Variants in TYW1B observed in about 807,000 individuals in gnomAD.
The protein encoded by TYW1B is S-adenosyl-L-methionine-dependent tRNA 4-demethylwyosine synthase TYW1B.
Under a neutral mutation model 86.9 loss-of-function variants are expected in TYW1B, and 73 were observed. The ratio of observed to expected loss-of-function variants is 0.84; its 90% CI spans 0.70 to 1.02. The LOEUF is 1.02. TYW1B is among the 50% of genes least tolerant of loss of function. TYW1B has a pLI of 0.00. For synonymous variants in TYW1B, 248 were observed against 292.8 expected (o/e 0.85, Z 1.56); for missense variants, 637 against 827.4 (o/e 0.77, Z 2.82).
At chr7:72,774,151 G>C (rs1787913205) in intron 7 of TYW1B, among the ~76,000 whole-genome samples, 1 of 151,858 alleles carries the variant, frequency 6.6e-6, no homozygotes, top group African/African-American at 2.4e-5. Context: ...GGAAGGACTG[G>C]GGGTAATGCC....
chr7:72,618,000 G>C (rs1812118537), intron 12 of TYW1B, among the ~76,000 whole-genome samples: 1 of 151,918 alleles, frequency 6.6e-6, no homozygotes, highest in South Asian at 2.1e-4. Flanking sequence ...TCTTACCTCT[G>C]TGGGCTCTTC....
intron 11 of TYW1B, among the ~76,000 whole-genome samples, chr7:72,690,006 A>T (rs1814103515): frequency 1.3e-5 from 2 of 152,262 alleles, no homozygotes; most frequent in Non-Finnish European, 2.9e-5. Context: ...AACAACCATT[A>T]TTCAAATAAT....
At chr7:72,607,760 G>A (rs1346751777) in intron 13 of TYW1B, among the ~76,000 whole-genome samples, 1 of 152,004 alleles carries the variant, frequency 6.6e-6, no homozygotes, top group East Asian at 1.9e-4. Flanking sequence ...AAAAAGAGAA[G>A]AGAAATAAGA....
chr7:72,731,287 A>T (rs1331781111), intron 8 of TYW1B, among the ~76,000 whole-genome samples: 3 of 151,452 alleles, frequency 2.0e-5, no homozygotes, highest in African/African-American at 7.3e-5. Flanking sequence ...AGTGATTATT[A>T]CCATCATGAA....
At chr7:72,673,800 TACC>T (rs1563054766) in intron 11 of TYW1B, among the ~76,000 whole-genome samples, 1 of 152,164 alleles carries the variant, frequency 6.6e-6, no homozygotes, top group African/African-American at 2.4e-5. Flanking sequence ...AGAGGATAGA[TACC>T]ACATTTTCTA....
intron 9 of TYW1B, among the ~76,000 whole-genome samples, chr7:72,723,683 A>G (rs1301657471): frequency 2.6e-5 from 4 of 152,174 alleles, no homozygotes; most frequent in Admixed American, 6.5e-5. Flanking sequence ...CTGAGACAGG[A>G]GGACTGCTTG....
intron 13 of TYW1B, among the ~76,000 whole-genome samples, chr7:72,592,075 G>A (rs1247882335): frequency 5.4e-5 from 8 of 149,308 alleles, no homozygotes; most frequent in South Asian, 2.1e-4. Flanking sequence ...TGCCCACCTC[G>A]GCCTCCCAAA....
intron 13 of TYW1B, among the ~76,000 whole-genome samples, chr7:72,578,385 G>A (rs1554429152): frequency 6.6e-6 from 1 of 152,144 alleles, no homozygotes. Context: ...AAAGTGCTGG[G>A]ATAACAGGCA....
intron 9 of TYW1B, among the ~76,000 whole-genome samples, chr7:72,715,991 C>T (rs1475036905): frequency 6.6e-6 from 1 of 152,192 alleles, no homozygotes; most frequent in Non-Finnish European, 1.5e-5. Flanking sequence ...ATTGCAGTGG[C>T]ACAATCTCAG....
At chr7:72,602,833 AACACACACACACACACACAC>A (rs55709140) in intron 13 of TYW1B, among the ~76,000 whole-genome samples, 30 of 128,114 alleles carry the variant, frequency 2.3e-4, no homozygotes, top group East Asian at 7.9e-4. Context: ...AAGTGCTCAA[AACACACACACACACACACAC>A]ACACACACAC....
At chr7:72,632,375 AT>A (rs1213524395) in intron 11 of TYW1B, among the ~76,000 whole-genome samples, 1 of 118,070 alleles carries the variant, frequency 8.5e-6, no homozygotes, top group African/African-American at 3.8e-5. Flanking sequence ...ACGCATATAT[AT>A]TATATATATA....
chr7:72,773,060 C>T lies in TYW1B; in HGVS notation c.964+4356G>A, dbSNP rs192554075. 3.5e-3 allele frequency among the ~76,000 whole-genome samples: 538 copies of T among 152,240 alleles called. 4 individuals are homozygous for T. The highest frequency in any genetic ancestry group is 6.4e-3 in the Non-Finnish European group (437 of 67,996). On this transcript the variant is annotated intron_variant, in intron 7 of 13. Coordinates refer to ENST00000620995, the MANE Select transcript of TYW1B (RefSeq NM_001145440.3). ...AAGATCCCCAGAAGAAATTCTAGTT[C>T]CTCTCGTGGAATTCCATATTATACT...
chr7:72,679,849 G>A (rs1289557789), intron 11 of TYW1B, among the ~76,000 whole-genome samples: 4 of 152,174 alleles, frequency 2.6e-5, no homozygotes, highest in African/African-American at 7.2e-5. Context: ...GGAATGATAG[G>A]CCAGGAGCAG....
At chr7:72,786,330 T>C (rs782307642) in intron 6 of TYW1B, among the ~76,000 whole-genome samples, 16 of 152,160 alleles carry the variant, frequency 1.1e-4, no homozygotes, top group Non-Finnish European at 1.9e-4. Context: ...CCCAAAGATC[T>C]GATGATTTTA....
Position 72,827,088 on chromosome 7 carries a change from C to A in TYW1B, c.5-103G>T, listed in dbSNP as rs573577388. 1,261 of 1,402,014 alleles carry A rather than the reference C, an allele frequency of 9.0e-4. 1 individual carries two copies. Among genetic ancestry groups the A allele is most frequent in the Non-Finnish European group, 1.0e-3 (1,075 of 1,037,714 alleles). 86.8% of individuals were successfully genotyped at this position (1,402,014 alleles called of 1,614,324 possible). A position where few individuals can be genotyped will look rare whatever the true frequency, so the allele number is the denominator to read the frequency against. ...AAAATAAAACCAACCTTACATTCAA[C>A]AACCCAGCTAAGAAATCTAATTTAA... On this transcript the variant is annotated intron_variant, in intron 1 of 13. Coordinates refer to ENST00000620995, the MANE Select transcript of TYW1B (RefSeq NM_001145440.3).
chr7:72,730,929 C>A (rs1787093403), intron 8 of TYW1B, among the ~76,000 whole-genome samples: 2 of 63,886 alleles, frequency 3.1e-5, no homozygotes, highest in Admixed American at 1.6e-4. Context: ...GGATTAAATG[C>A]CAAAAAAAAA....
chr7:72,625,906 G>C (rs1181967213), intron 12 of TYW1B, among the ~76,000 whole-genome samples: 633 of 111,130 alleles, frequency 5.7e-3, no homozygotes, highest in African/African-American at 0.021. Context: ...CGGGGGGGGG[G>C]GAAGAAAGGA....
At chr7:72,795,736 A>G (rs1223071179) in intron 6 of TYW1B, among the ~76,000 whole-genome samples, 1 of 118,564 alleles carries the variant, frequency 8.4e-6, no homozygotes, top group Non-Finnish European at 1.7e-5. Flanking sequence ...AGTTTGTGGG[A>G]TGATATTTTG....
chr7:72,767,458 A>T (rs1212377552), intron 7 of TYW1B, among the ~76,000 whole-genome samples: 1 of 151,850 alleles, frequency 6.6e-6, no homozygotes, highest in Non-Finnish European at 1.5e-5. Flanking sequence ...ACAAAAAAAA[A>T]AATTAGCCGG....
Sources: gnomAD v4.1 joint callset for allele counts (sites outside exome capture counted in the v4.1 genomes callset) on GRCh38, gnomAD v4.1.1 for gene constraint, MANE v1.5 for transcripts, NCBI Gene and HGNC (gene_info 2026-07-23, HGNC 2026-07-21) for gene names.